The following RHCE variants were observed in gnomAD, a reference collection of about 807,000 sequenced individuals.
RHCE encodes blood group Rh(CE) polypeptide.
Under a neutral mutation model 43.8 loss-of-function variants are expected in RHCE, and 22 were observed. That is an observed-to-expected ratio of 0.50 (90% CI 0.36 to 0.72). RHCE has a LOEUF of 0.72. RHCE is among the 30% of genes least tolerant of loss of function. RHCE has a pLI of 0.00. For synonymous variants in RHCE, 156 were observed against 210.7 expected, an observed-to-expected ratio of 0.74 and a Z score of 2.25; for missense variants, 385 against 525.4, an observed-to-expected ratio of 0.73 and a Z score of 2.61.
At chr1:25,414,701 G>A (rs1647244651) in intron 1 of RHCE, among the ~76,000 whole-genome samples, 1 of 152,134 alleles carries the variant, frequency 6.6e-6, no homozygotes, top group Non-Finnish European at 1.5e-5. Flanking sequence ...CTCCCAGTTT[G>A]GTAGCCTTAG....
In RHCE at chr1:25,408,893, A is replaced by G. The variant is rs370980520; in HGVS notation, c.149-24T>C. ...GACTGCTCGGTGGGGAGATGGTGAG[A>G]AGGAGGAGGGGGAAGCAGACGAGAT... is the stretch of plus-strand genomic sequence containing the variant. On this transcript the variant is annotated intron_variant, in intron 1 of 9. Coordinates refer to ENST00000294413, the MANE Select transcript of RHCE (RefSeq NM_020485.8). The G allele has an allele frequency of 5.3e-5, 67 of 1,276,166 alleles. 6 individuals are homozygous for G. In the African/African-American group the frequency reaches 7.7e-4, roughly 15 times the overall value. 79.1% of individuals were successfully genotyped at this position (1,276,166 alleles called of 1,614,324 possible). A position where few individuals can be genotyped will look rare whatever the true frequency, so the allele number is the denominator to read the frequency against.
chr1:25,428,486 T>G (rs1170866582), intron 2 of RHCE, among the ~76,000 whole-genome samples: 1 of 152,206 alleles, frequency 6.6e-6, no homozygotes, highest in Non-Finnish European at 1.5e-5. Context: ...TTGGTGAAAC[T>G]TTGAGCTCAC....
At chr1:25,376,132 A>G (rs1645779467) in intron 7 of RHCE, among the ~76,000 whole-genome samples, 1 of 151,934 alleles carries the variant, frequency 6.6e-6, no homozygotes, top group Non-Finnish European at 1.5e-5. Context: ...TGAAGGTTCT[A>G]TTTCTCTTGG....
At chr1:25,374,041 G>A (rs1047648916) in intron 8 of RHCE, among the ~76,000 whole-genome samples, 6 of 151,056 alleles carry the variant, frequency 4.0e-5, no homozygotes, top group African/African-American at 1.2e-4. Context: ...GGCTGGTCTC[G>A]AACTCCTGAC....
chr1:25,403,477 C>T (rs1317764926), intron 2 of RHCE, among the ~76,000 whole-genome samples: 1 of 152,002 alleles, frequency 6.6e-6, no homozygotes, highest in African/African-American at 2.4e-5. Flanking sequence ...CCTTCCTTCC[C>T]TTGACCAATG....
At chr1:25,401,953 T>C (rs1646759978) in intron 3 of RHCE, among the ~76,000 whole-genome samples, 1 of 152,138 alleles carries the variant, frequency 6.6e-6, no homozygotes, top group African/African-American at 2.4e-5. Flanking sequence ...CTCAGTTCAC[T>C]GCAACCTCCA....
At position 25,379,506 on chromosome 1, in the gene RHCE, T is replaced by A. The variant is rs1206283077; in HGVS notation, c.1074-4078A>T. Among the ~76,000 whole-genome samples the A allele has an allele frequency of 5.1e-3, 250 of 48,928 alleles. 1 individual carries two copies. Among genetic ancestry groups the A allele is most frequent in the African/African-American group, 0.017 (107 of 6,242 alleles). The allele number at this position is 48,928 out of a possible 152,430, so 32.1% of individuals were successfully genotyped here. A position where few individuals can be genotyped will look rare whatever the true frequency, so the allele number is the denominator to read the frequency against. On this transcript the variant is annotated intron_variant, in intron 7 of 9. Coordinates refer to ENST00000294413, the MANE Select transcript of RHCE (RefSeq NM_020485.8). ...ATATATATATATATATTTTTTTTTT[T>A]TTTTTTTTTTTTTTTAAAGATGGGA... is the stretch of plus-strand genomic sequence containing the variant.
chr1:25,388,281 T>C (rs576759982), intron 6 of RHCE, among the ~76,000 whole-genome samples: 2 of 130,140 alleles, frequency 1.5e-5, no homozygotes, highest in Admixed American at 1.7e-4. Context: ...TATAATGAAG[T>C]ATTCTGGAAC....
chr1:25,386,598 A>G (rs1646170265), intron 6 of RHCE, among the ~76,000 whole-genome samples: 1 of 152,202 alleles, frequency 6.6e-6, no homozygotes, highest in Non-Finnish European at 1.5e-5. Context: ...ACGTGGGTGG[A>G]TCACCTGAAG....
intron 6 of RHCE, among the ~76,000 whole-genome samples, chr1:25,387,771 G>C (rs548929678): frequency 6.1e-4 from 92 of 151,938 alleles, no homozygotes; most frequent in African/African-American, 2.1e-3. Flanking sequence ...TGCTGCAAAT[G>C]ACAGGATTTC....
chr1:25,370,721 CTATTTTATTTTATTTTATTT>C (rs71014358), intron 8 of RHCE, among the ~76,000 whole-genome samples, 181 bp from the exon 9 acceptor site: 1 of 141,224 alleles, frequency 7.1e-6, no homozygotes, highest in Non-Finnish European at 1.5e-5. Flanking sequence ...ATTCTGTAGA[CTATTTTATTTTATTTTATTT>C]TATTTTATTT....
At chr1:25,415,237 C>A (rs1212723824) in intron 1 of RHCE, among the ~76,000 whole-genome samples, 1 of 152,172 alleles carries the variant, frequency 6.6e-6, no homozygotes, top group African/African-American at 2.4e-5. Context: ...ACAGGTCATC[C>A]AGACCAGTAG....
rs202244615 is a variant in RHCE at position 25,385,634 on chromosome 1, G to C, written c.1073+77C>G. On this transcript the variant is annotated intron_variant, in intron 7 of 9. Transcript: ENST00000294413. ...CCTGGCCCCGAGTGCACACGCCCCA[G>C]CTAAGGACTCTGCACACATTTCTTC... 2.6e-4 allele frequency: 414 copies of C among 1,607,716 alleles called. 6 individuals carry two copies. In the South Asian group the frequency reaches 4.1e-3, roughly 16 times the overall value.
intron 7 of RHCE, chr1:25,385,414 C>G: frequency 2.2e-6 from 1 of 453,482 alleles, no homozygotes; most frequent in South Asian, 1.9e-5. Flanking sequence ...ACCACAGTCT[C>G]AATTGGCTTG....
At chr1:25,369,136 G>A (rs1432387402) in intron 9 of RHCE, among the ~76,000 whole-genome samples, 1 of 151,810 alleles carries the variant, frequency 6.6e-6, no homozygotes. Flanking sequence ...AGAAAGGAGA[G>A]GAAGGAGAAG....
intron 9 of RHCE, among the ~76,000 whole-genome samples, chr1:25,369,421 T>C (rs1304742575): frequency 6.6e-6 from 1 of 151,610 alleles, no homozygotes; most frequent in African/African-American, 2.4e-5. Flanking sequence ...ACCCACAGCA[T>C]TGACTAGAGG....
rs1172617500 is a variant in RHCE at position 25,406,366 on chromosome 1, G to C, written c.335+2317C>G. Among the ~76,000 whole-genome samples, 2 of 121,426 alleles carry C rather than the reference G, an allele frequency of 1.6e-5. 1 individual carries two copies. Among genetic ancestry groups the C allele is most frequent in the South Asian group, 8.7e-4 (2 of 2,302 alleles). The allele number at this position is 121,426 out of a possible 152,430, so 79.7% of individuals were successfully genotyped here. A position where few individuals can be genotyped will look rare whatever the true frequency, so the allele number is the denominator to read the frequency against. Reference sequence around the variant, plus strand: ...CTCACTCTGTCGCCCAGGCTACAGTGCAATGGCGCGATCTCGGCTCACTAT... The same window carrying C: ...CTCACTCTGTCGCCCAGGCTACAGTCCAATGGCGCGATCTCGGCTCACTAT... On this transcript the variant is annotated intron_variant, in intron 2 of 9. Coordinates refer to ENST00000294413, the MANE Select transcript of RHCE (RefSeq NM_020485.8).
intron 3 of RHCE, among the ~76,000 whole-genome samples, chr1:25,397,484 C>T (rs78326763): frequency 4.0e-5 from 6 of 150,764 alleles, no homozygotes; most frequent in African/African-American, 1.2e-4. Context: ...GTGACAACAG[C>T]GAAACTCCAT....
chr1:25,412,938 C>G (rs1444915901), intron 1 of RHCE, among the ~76,000 whole-genome samples: 1 of 151,908 alleles, frequency 6.6e-6, no homozygotes, highest in Non-Finnish European at 1.5e-5. Flanking sequence ...GCAGGAGAAT[C>G]GCTTGAACCC....
Sources: gnomAD v4.1 joint callset for allele counts (sites outside exome capture counted in the v4.1 genomes callset) on GRCh38, gnomAD v4.1.1 for gene constraint, MANE v1.5 for transcripts, NCBI Gene and HGNC (gene_info 2026-07-23, HGNC 2026-07-21) for gene names.